TBC1D32: variants seen among roughly 807,000 people sequenced by gnomAD.
TBC1D32 encodes the protein protein broad-minded.
Under a neutral mutation model 170.3 loss-of-function variants are expected in TBC1D32, and 151 were observed. The ratio of observed to expected loss-of-function variants is 0.89; its 90% CI spans 0.78 to 1.01. The LOEUF is 1.01. Among genes scored for constraint, TBC1D32 ranks in the 50% least tolerant of loss-of-function variants. The pLI is 0.00. For synonymous variants in TBC1D32, 498 were observed against 488.0 expected (o/e 1.02, Z -0.27); for missense variants, 1,464 against 1,457.1 (o/e 1.00, Z -0.08).
At chr6:121,154,770 G>A (rs879558254) in intron 24 of TBC1D32, among the ~76,000 whole-genome samples, 8 of 152,158 alleles carry the variant, frequency 5.3e-5, no homozygotes, top group Non-Finnish European at 1.2e-4. Flanking sequence ...CAGAATAGGA[G>A]AAAATGTTCA....
chr6:121,120,127 A>G (rs2128206054), intron 26 of TBC1D32, among the ~76,000 whole-genome samples: 1 of 152,256 alleles, frequency 6.6e-6, no homozygotes, highest in South Asian at 2.1e-4. Context: ...AGTATATCAA[A>G]ATAATAAATA....
At chr6:121,202,427 G>T (rs903027879) in intron 22 of TBC1D32, among the ~76,000 whole-genome samples, 1 of 150,454 alleles carries the variant, frequency 6.6e-6, no homozygotes, top group Non-Finnish European at 1.5e-5. Flanking sequence ...GATGAGAAAA[G>T]AGAAGAATTC....
At chr6:121,332,142 G>C (rs901004372) in intron 1 of TBC1D32, among the ~76,000 whole-genome samples, 3 of 152,084 alleles carry the variant, frequency 2.0e-5, no homozygotes, top group Non-Finnish European at 4.4e-5. Context: ...GAACTACAAT[G>C]ACCCAATTTT....
chr6:121,273,639 A>T (rs963539401), intron 15 of TBC1D32, among the ~76,000 whole-genome samples: 21 of 93,918 alleles, frequency 2.2e-4, no homozygotes, highest in Admixed American at 1.0e-3. Flanking sequence ...AGTATAATTT[A>T]AAAAAAAAAA....
intron 26 of TBC1D32, 124 bp from the exon 27 acceptor site, chr6:121,115,365 G>A: frequency 3.3e-6 from 2 of 612,956 alleles, no homozygotes; most frequent in Non-Finnish European, 5.1e-6. Context: ...AAACACTGAT[G>A]AATTTATTCT....
intron 15 of TBC1D32, among the ~76,000 whole-genome samples, chr6:121,276,526 G>T (rs1329883708): frequency 6.6e-6 from 1 of 151,840 alleles, no homozygotes. Flanking sequence ...ACAAAAAAAG[G>T]GCAAAAAATA....
At chr6:121,269,462 C>T (rs1356501633) in intron 15 of TBC1D32, among the ~76,000 whole-genome samples, 2 of 151,736 alleles carry the variant, frequency 1.3e-5, no homozygotes, top group African/African-American at 2.4e-5. Flanking sequence ...GGTTGCAATC[C>T]TAGTCTCTGA....
chr6:121,271,662 C>G (rs1158787093), intron 15 of TBC1D32, among the ~76,000 whole-genome samples: 2 of 152,078 alleles, frequency 1.3e-5, no homozygotes, highest in Admixed American at 6.6e-5. Flanking sequence ...TAGGAAGAAT[C>G]AATATCATGA....
intron 1 of TBC1D32, among the ~76,000 whole-genome samples, chr6:121,329,051 A>G (rs746811117): frequency 3.7e-4 from 57 of 152,240 alleles, no homozygotes; most frequent in Non-Finnish European, 6.3e-4. Context: ...AAGCAGCTCA[A>G]TTAAAACATA....
chr6:121,161,891 G>A (rs1785715954), intron 22 of TBC1D32, among the ~76,000 whole-genome samples: 2 of 152,156 alleles, frequency 1.3e-5, no homozygotes, highest in African/African-American at 4.8e-5. Flanking sequence ...GGTGCGAGAT[G>A]ATATCTCATT....
intron 22 of TBC1D32, among the ~76,000 whole-genome samples, chr6:121,190,263 C>T (rs547518703): frequency 6.7e-6 from 1 of 149,822 alleles, no homozygotes; most frequent in Non-Finnish European, 1.5e-5. Context: ...CCCCCTCCAC[C>T]TCATCCTTTC....
intron 22 of TBC1D32, chr6:121,170,451 G>A (rs1178412657): frequency 1.2e-6 from 2 of 1,607,432 alleles, no homozygotes; most frequent in Non-Finnish European, 1.7e-6. Context: ...TGAGCATTTA[G>A]TAACATTTCA....
chr6:121,217,166 G>A (rs1254142314), intron 21 of TBC1D32, among the ~76,000 whole-genome samples: 1 of 152,192 alleles, frequency 6.6e-6, no homozygotes, highest in Non-Finnish European at 1.5e-5. Context: ...TGCAGCTGCT[G>A]TACCAGATGT....
At chr6:121,082,494 G>C (rs1775740901) in intron 31 of TBC1D32, among the ~76,000 whole-genome samples, 1 of 151,898 alleles carries the variant, frequency 6.6e-6, no homozygotes, top group Non-Finnish European at 1.5e-5. Context: ...GATGGGGAGG[G>C]ATTATGGTAA....
chr6:121,189,831 G>A (rs1356933498), intron 22 of TBC1D32, among the ~76,000 whole-genome samples: 5 of 152,024 alleles, frequency 3.3e-5, no homozygotes, highest in Admixed American at 6.6e-5. Flanking sequence ...CAGTCCTGAA[G>A]AGACTGCTAG....
chr6:121,232,438 G>A lies in TBC1D32; in HGVS notation c.2364+6632C>T, dbSNP rs531394612. On this transcript the variant is annotated intron_variant, in intron 20 of 31. Coordinates refer to ENST00000398212, the MANE Select transcript of TBC1D32 (RefSeq NM_152730.6). The stretch of plus-strand genomic sequence containing the variant: ...TTGGCTCCATATACATTTTAGGATT[G>A]TTTGTTCTAGTTGTGTGAAGTATTA... Among the ~76,000 whole-genome samples the A allele has an allele frequency of 9.9e-5, 15 of 151,982 alleles. 1 individual carries two copies. Among genetic ancestry groups the A allele is most frequent in the Non-Finnish European group, 2.1e-4 (14 of 67,948 alleles).
chr6:121,160,241 G>A (rs1785445348), intron 23 of TBC1D32, 138 bp from the exon 24 acceptor site: 1 of 563,222 alleles, frequency 1.8e-6, no homozygotes, highest in Non-Finnish European at 3.2e-6. Context: ...TTAACCAAAA[G>A]CTATTTGATA....
At chr6:121,254,731 G>A (rs1332552041) in intron 17 of TBC1D32, among the ~76,000 whole-genome samples, 3 of 151,948 alleles carry the variant, frequency 2.0e-5, no homozygotes, top group South Asian at 4.1e-4. Context: ...TATCATTTTA[G>A]ACTATGCCAA....
rs143181650 is a variant in TBC1D32 at position 121,256,268 on chromosome 6, A to C, written c.1751T>G (p.Ile584Arg). 6 of 1,613,098 alleles carry C rather than the reference A, an allele frequency of 3.7e-6. No homozygotes were observed. The highest frequency in any genetic ancestry group is 4.2e-6 in the Non-Finnish European group (5 of 1,179,536). ...SSEESPTGAHIIAQFSKKLLD... is the reference protein window; with the variant it reads ...SSEESPTGAHRIAQFSKKLLD... ...AAGTTTTTTCGAAAACTGGGCAATT[A>C]TATGAGCACCTGTAGGACTAAAAGA... The change falls in exon 16 of 32, where the codon ATA becomes AGA. Residue 584 changes from isoleucine (I) to arginine (R), a missense_variant. Around this residue, in one of 3 missense-constraint regions of TBC1D32, gnomAD observed 1,363 missense variants for 1,338.1 expected, o/e 1.02. Coordinates refer to ENST00000398212, the MANE Select transcript of TBC1D32 (RefSeq NM_152730.6).
Sources: allele counts gnomAD v4.1 joint callset (sites outside exome capture counted in the v4.1 genomes callset), GRCh38; gene constraint gnomAD v4.1.1; regional missense constraint gnomAD v4.1.1; transcripts MANE v1.5; gene names NCBI Gene and HGNC (gene_info 2026-07-23, HGNC 2026-07-21).